NRXN1: variants seen among roughly 807,000 people sequenced by gnomAD.
NRXN1 encodes the protein neurexin-1.
Under a neutral mutation model 150.9 loss-of-function variants are expected in NRXN1, and 39 were observed. That is an observed-to-expected ratio of 0.26 (90% CI 0.20 to 0.34). The LOEUF is 0.34. NRXN1 is among the 10% of genes least tolerant of loss of function. The pLI is 1.00. For synonymous variants in NRXN1, 924 were observed against 757.0 expected, an observed-to-expected ratio of 1.22 and a Z score of -3.62; for missense variants, 1,815 against 1,949.9, an observed-to-expected ratio of 0.93 and a Z score of 1.30.
intron 18 of NRXN1, among the ~76,000 whole-genome samples, chr2:50,213,262 G>C (rs1346634058): frequency 6.6e-6 from 1 of 151,852 alleles, no homozygotes; most frequent in South Asian, 2.1e-4. Flanking sequence ...ATACAGAAGT[G>C]AACCAGACAG....
chr2:50,615,277 C>T (rs1443556542), intron 8 of NRXN1: 2 of 152,156 alleles, frequency 1.3e-5, no homozygotes, highest in African/African-American at 2.4e-5. Flanking sequence ...TAAGTTACCT[C>T]ACACAGGCAG....
chr2:50,408,605 A>T (rs1315590542), intron 17 of NRXN1, among the ~76,000 whole-genome samples: 1 of 152,046 alleles, frequency 6.6e-6, no homozygotes, highest in Non-Finnish European at 1.5e-5. Context: ...TCTGCAATAG[A>T]CTCCAAATTT....
chr2:50,272,984 T>C (rs2069904788), intron 17 of NRXN1, among the ~76,000 whole-genome samples: 2 of 152,048 alleles, frequency 1.3e-5, no homozygotes, highest in Admixed American at 1.3e-4. Flanking sequence ...GCATAGGAAG[T>C]TCATGAATTT....
chr2:50,655,337 A>T (rs991826145), intron 5 of NRXN1, among the ~76,000 whole-genome samples: 8 of 152,024 alleles, frequency 5.3e-5, no homozygotes, highest in African/African-American at 1.9e-4. Flanking sequence ...CCTGCCCTTC[A>T]AAAAACTCTT....
intron 17 of NRXN1, among the ~76,000 whole-genome samples, chr2:50,249,285 G>T (rs1712914): frequency 0.54 from 82,021 of 151,764 alleles, 22,357 homozygotes; most frequent in African/African-American, 0.57. Flanking sequence ...AATCCTATGA[G>T]AGATCACTTT....
chr2:50,136,122 T>A (rs565804476), intron 18 of NRXN1, among the ~76,000 whole-genome samples: 6 of 152,338 alleles, frequency 3.9e-5, no homozygotes, highest in African/African-American at 1.4e-4. Flanking sequence ...GGTTGGAAGG[T>A]TAATCTCCTA....
At chr2:50,804,168 TA>T in intron 5 of NRXN1, among the ~76,000 whole-genome samples, 1 of 152,352 alleles carries the variant, frequency 6.6e-6, no homozygotes. Context: ...TTACCAATTA[TA>T]AAAAGATGAA....
chr2:50,593,914 A>G (rs779230937), intron 8 of NRXN1, among the ~76,000 whole-genome samples: 10 of 152,252 alleles, frequency 6.6e-5, no homozygotes, highest in Non-Finnish European at 1.3e-4. Context: ...CTGAAAAGGT[A>G]TAAAAAAAGG....
At chr2:50,885,095 T>C (rs986162140) in intron 5 of NRXN1, among the ~76,000 whole-genome samples, 2 of 151,594 alleles carry the variant, frequency 1.3e-5, no homozygotes, top group Non-Finnish European at 3.0e-5. Flanking sequence ...AAAGTGAAAT[T>C]GCCATAAAGC....
At chr2:50,971,437 G>C (rs975007333) in intron 2 of NRXN1, among the ~76,000 whole-genome samples, 17 of 151,934 alleles carry the variant, frequency 1.1e-4, no homozygotes, top group Non-Finnish European at 2.2e-4. Context: ...ACAAAAATTA[G>C]CCTGGTGTGC....
At chr2:50,278,209 C>T (rs1347377321) in intron 17 of NRXN1, among the ~76,000 whole-genome samples, 2 of 94,168 alleles carry the variant, frequency 2.1e-5, no homozygotes, top group East Asian at 5.1e-4. Context: ...ACAGACACCA[C>T]CCACCACCAC....
intron 8 of NRXN1, among the ~76,000 whole-genome samples, chr2:50,601,606 T>A (rs888745633): frequency 6.6e-6 from 1 of 152,196 alleles, no homozygotes; most frequent in Non-Finnish European, 1.5e-5. Flanking sequence ...GTGACAAGAA[T>A]CTGAAATTTG....
intron 9 of NRXN1, 57 bp downstream of exon 9, chr2:50,552,530 G>T: frequency 7.6e-7 from 1 of 1,324,010 alleles, no homozygotes; most frequent in Non-Finnish European, 1.1e-6. Context: ...TTTAGGAATG[G>T]CATGGGTGGG....
intron 5 of NRXN1, among the ~76,000 whole-genome samples, chr2:50,911,721 A>T (rs1052257764): frequency 1.3e-5 from 2 of 151,928 alleles, no homozygotes; most frequent in Non-Finnish European, 2.9e-5. Flanking sequence ...GAATGATCCT[A>T]AAACATATTA....
intron 17 of NRXN1, among the ~76,000 whole-genome samples, chr2:50,270,054 A>G (rs1300210611): frequency 1.3e-5 from 2 of 152,228 alleles, no homozygotes; most frequent in African/African-American, 4.8e-5. Flanking sequence ...GTTTCTGACC[A>G]AAGTCTCACA....
intron 18 of NRXN1, among the ~76,000 whole-genome samples, chr2:50,159,736 G>C (rs2059247051): frequency 6.6e-6 from 1 of 151,988 alleles, no homozygotes; most frequent in Admixed American, 6.6e-5. Context: ...ATGCAAAAGA[G>C]GCAAAGAAAT....
In NRXN1 at chr2:50,931,885, G is replaced by A. The variant is rs181700542; in HGVS notation, c.773-5930C>T. The stretch of plus-strand genomic sequence containing the variant: ...AATATTATTTTTTTTTTCTGGAGAT[G>A]GAGTCTCACTCTGTTGCCAAGACTG... On this transcript the variant is annotated intron_variant, in intron 2 of 22. Transcript: ENST00000401669. Among the ~76,000 whole-genome samples, 15 of 151,642 alleles carry A rather than the reference G, an allele frequency of 9.9e-5. No individual in the cohort carries two copies. The South Asian group carries it at 1.9e-3, about 19-fold the overall frequency.
intron 5 of NRXN1, among the ~76,000 whole-genome samples, chr2:50,698,274 C>T (rs1175549838): frequency 5.9e-5 from 9 of 152,146 alleles, no homozygotes; most frequent in Admixed American, 5.9e-4. Context: ...TTCGGGAGGG[C>T]CAAGGGCCAA....
intron 8 of NRXN1, among the ~76,000 whole-genome samples, chr2:50,592,957 G>A (rs1044141733): frequency 6.6e-6 from 1 of 152,192 alleles, no homozygotes. Context: ...AGGCCTCGTA[G>A]CCAAATGGAC....
Sources: gnomAD v4.1 joint callset for allele counts (sites outside exome capture counted in the v4.1 genomes callset) on GRCh38, gnomAD v4.1.1 for gene constraint, MANE v1.5 for transcripts, NCBI Gene and HGNC (gene_info 2026-07-23, HGNC 2026-07-21) for gene names.